Variants in KCNN2 observed in about 807,000 individuals in gnomAD.
KCNN2 encodes the protein potassium calcium-activated channel subfamily N member 2, also known as small conductance calcium-activated potassium channel protein 2.
In KCNN2, 24 loss-of-function variants were observed where a neutral mutation model predicts 55.5. The ratio of observed to expected loss-of-function variants is 0.43; its 90% confidence interval spans 0.31 to 0.61. The LOEUF is 0.61. Ranked by LOEUF, KCNN2 falls within the 20% of genes least tolerant of loss-of-function variation. KCNN2 has a pLI of 0.08. For missense variants in KCNN2, 754 were observed against 853.6 expected (o/e 0.88, Z 1.45); for synonymous variants, 431 against 336.1 (o/e 1.28, Z -3.09).
At chr5:114,443,829 G>T (rs548596562) in intron 3 of KCNN2, among the ~76,000 whole-genome samples, 1 of 152,346 alleles carries the variant, frequency 6.6e-6, no homozygotes, top group Admixed American at 6.5e-5. Context: ...GAAGTAAAGA[G>T]ATCTGGGTTA....
chr5:114,154,587 A>G (rs1455137897), intron 1 of KCNN2, among the ~76,000 whole-genome samples: 1 of 152,150 alleles, frequency 6.6e-6, no homozygotes, highest in African/African-American at 2.4e-5. Flanking sequence ...GAGAAATAAT[A>G]CTGTCATCCA....
rs577049937 is a variant in KCNN2 at position 114,150,919 on chromosome 5, G to T, written c.-270-70561G>T. 1.6e-4 allele frequency among the ~76,000 whole-genome samples: 25 copies of T among 152,264 alleles called. No homozygotes were observed. In the South Asian group the frequency reaches 4.8e-3, roughly 29 times the overall value. ...GCCTGTAATCCCAGCTACTCAGGAG[G>T]ATGAGGCAGGAGAATTGCTTGAACC... On this transcript the variant is annotated intron_variant, in intron 1 of 10. Coordinates refer to the KCNN2 transcript ENST00000512097.
At chr5:114,350,581 A>T (rs999653940) in intron 2 of KCNN2, among the ~76,000 whole-genome samples, 2 of 151,894 alleles carry the variant, frequency 1.3e-5, no homozygotes, top group Admixed American at 6.6e-5. Context: ...TGAGTTTTAC[A>T]GTTTATTCCA....
intron 1 of KCNN2, among the ~76,000 whole-genome samples, chr5:114,158,931 CA>C (rs1479845773): frequency 3.3e-5 from 5 of 152,264 alleles, no homozygotes; most frequent in African/African-American, 1.2e-4. Flanking sequence ...TCTAGATATA[CA>C]ATCATGTCAT....
At chr5:114,196,049 A>G (rs1753550096) in intron 1 of KCNN2, among the ~76,000 whole-genome samples, 1 of 152,048 alleles carries the variant, frequency 6.6e-6, no homozygotes, top group African/African-American at 2.4e-5. Flanking sequence ...TGAAAAGACT[A>G]TTCTTTCCCA....
chr5:114,248,179 A>G (rs1754783677), intron 2 of KCNN2, among the ~76,000 whole-genome samples: 1 of 152,188 alleles, frequency 6.6e-6, no homozygotes, highest in African/African-American at 2.4e-5. Flanking sequence ...TGGACAGGAA[A>G]GAGGGAAGTG....
intron 2 of KCNN2, among the ~76,000 whole-genome samples, chr5:114,312,420 CACACACACACACACATATAT>C (rs1211581026): frequency 1.8e-3 from 122 of 67,804 alleles, no homozygotes; most frequent in South Asian, 8.3e-3. Context: ...CACACACACA[CACACACACACACACATATAT>C]ATATATATAT....
chr5:114,453,840 T>TA (rs1445407808), intron 3 of KCNN2, among the ~76,000 whole-genome samples: 1 of 152,208 alleles, frequency 6.6e-6, no homozygotes, highest in African/African-American at 2.4e-5. Flanking sequence ...GTTCCTGTGA[T>TA]ACATGTGCTG....
chr5:114,323,708 T>A (rs889266272), intron 2 of KCNN2, among the ~76,000 whole-genome samples: 1 of 142,560 alleles, frequency 7.0e-6, no homozygotes, highest in Non-Finnish European at 1.5e-5. Context: ...CAGCCTGGAA[T>A]GCACGGCCTG....
intron 2 of KCNN2, among the ~76,000 whole-genome samples, chr5:114,381,538 C>T (rs988615389): frequency 6.6e-6 from 1 of 152,168 alleles, no homozygotes; most frequent in African/African-American, 2.4e-5. Context: ...TATAATAAGA[C>T]ACAGAGACTC....
intron 2 of KCNN2, among the ~76,000 whole-genome samples, chr5:114,325,339 T>A (rs947038165): frequency 6.6e-6 from 1 of 152,220 alleles, no homozygotes; most frequent in Non-Finnish European, 1.5e-5. Flanking sequence ...CAGGATGTGA[T>A]GATTTGGAAA....
chr5:114,197,969 A>C (rs1481010613), intron 1 of KCNN2, among the ~76,000 whole-genome samples: 1 of 152,128 alleles, frequency 6.6e-6, no homozygotes, highest in Non-Finnish European at 1.5e-5. Flanking sequence ...ATGATTAATG[A>C]TCTTTTAAGA....
intron 2 of KCNN2, among the ~76,000 whole-genome samples, chr5:114,395,631 C>G (rs952272704): frequency 1.3e-5 from 2 of 152,146 alleles, no homozygotes; most frequent in East Asian, 1.9e-4. Flanking sequence ...GATTTTCATA[C>G]TTGACAATGA....
chr5:114,240,071 C>T (rs1406293136), intron 2 of KCNN2, among the ~76,000 whole-genome samples: 1 of 151,894 alleles, frequency 6.6e-6, no homozygotes, highest in African/African-American at 2.4e-5. Context: ...ACAGTATCCT[C>T]AAGAAAAGTA....
chr5:114,466,375 C>G (rs984455308), intron 4 of KCNN2, among the ~76,000 whole-genome samples: 2 of 152,016 alleles, frequency 1.3e-5, no homozygotes, highest in Non-Finnish European at 2.9e-5. Context: ...CAGTGTCTAT[C>G]AGCTTTTGGA....
chr5:114,475,219 A>G (rs1004485241), intron 5 of KCNN2, among the ~76,000 whole-genome samples: 4 of 152,014 alleles, frequency 2.6e-5, no homozygotes, highest in Non-Finnish European at 5.9e-5. Flanking sequence ...AGTTGGTTTT[A>G]TAGTGTAGTT....
At chr5:114,217,723 G>A (rs762670554) in intron 1 of KCNN2, among the ~76,000 whole-genome samples, 15 of 152,084 alleles carry the variant, frequency 9.9e-5, no homozygotes, top group African/African-American at 1.4e-4. Flanking sequence ...CACTAAAGGC[G>A]TGATCCATGA....
chr5:114,467,642 A>T (rs927164507), intron 4 of KCNN2, among the ~76,000 whole-genome samples: 3 of 152,160 alleles, frequency 2.0e-5, no homozygotes, highest in Non-Finnish European at 2.9e-5. Context: ...TTCCCCACCA[A>T]TGTCCTTTCT....
Position 114,287,146 on chromosome 5 carries a change from G to A in KCNN2, c.-185+65581G>A, listed in dbSNP as rs367952553. Among the ~76,000 whole-genome samples the A allele has an allele frequency of 9.2e-5, 14 of 152,200 alleles. No homozygotes were observed. In the East Asian group the frequency reaches 2.3e-3, roughly 25 times the overall value. On this transcript the variant is annotated intron_variant, in intron 2 of 10. Transcript: ENST00000512097. ...GGACCAAAAGAGTAGAGGGTGAAAA[G>A]CTAGTTTAAAAGCAATTGTTCCAAC...
Sources: allele counts gnomAD v4.1 joint callset (sites outside exome capture counted in the v4.1 genomes callset), GRCh38; gene constraint gnomAD v4.1.1; transcripts MANE v1.5; gene names NCBI Gene and HGNC (gene_info 2026-07-23, HGNC 2026-07-21).